Variants in EFHB observed in about 807,000 individuals in gnomAD.
EFHB encodes EF-hand domain-containing family member B.
EFHB carries 91 observed loss-of-function variants against 87.2 expected under a neutral mutation model. The observed-to-expected ratio is 1.04, with a 90% CI of 0.88 to 1.24. The LOEUF is 1.24. Ranked by LOEUF, EFHB falls within the 50% of genes most tolerant of loss-of-function variation. The probability of loss-of-function intolerance (pLI) is 0.00; values close to 1 mark genes in which losing one functional copy is unlikely to be tolerated. For synonymous variants in EFHB, 325 were observed against 333.6 expected (o/e 0.97, Z 0.28); for missense variants, 1,084 against 998.8 (o/e 1.09, Z -1.15).
chr3:19,919,608 T>C (rs1695365833), intron 3 of EFHB, among the ~76,000 whole-genome samples: 1 of 152,198 alleles, frequency 6.6e-6, no homozygotes, highest in African/African-American at 2.4e-5. Context: ...GAACAATAGA[T>C]AGTTTGTGGC....
Position 19,919,910 on chromosome 3 carries a change from C to T in EFHB, c.919G>A (p.Val307Ile). 6.2e-7 allele frequency: 1 copy of T among 1,613,750 alleles called. No homozygotes were observed. ...GGATCATTTGCTCTTCCGTAAAATA[C>T]TCTTTCTACTCCAGCAGGTGGATAT... Reference protein sequence around the residue: ...FRYPPAGVERVFYGRANDPQI... With the variant: ...FRYPPAGVERIFYGRANDPQI... The change falls in exon 3 of 13, where the codon GTA becomes ATA. Residue 307 changes from valine to isoleucine, a missense_variant. Physicochemically the swap from Val to Ile is conservative, Grantham distance 29. Coordinates refer to ENST00000295824, the MANE Select transcript of EFHB (RefSeq NM_144715.4).
At chr3:19,884,343 CA>C in intron 11 of EFHB, 59 bp downstream of exon 11, 1 of 1,486,980 alleles carries the variant, frequency 6.7e-7, no homozygotes, top group South Asian at 1.2e-5. Flanking sequence ...GGGGACAATG[CA>C]AGGACAGACA....
chr3:19,931,075 A>T (rs1695814965), intron 1 of EFHB, among the ~76,000 whole-genome samples: 1 of 152,172 alleles, frequency 6.6e-6, no homozygotes, highest in Non-Finnish European at 1.5e-5. Context: ...AGGCACAAGA[A>T]TCGCTTAAGC....
chr3:19,936,873 TAATAAATAAATAAATA>T (rs71634883), upstream of EFHB, among the ~76,000 whole-genome samples: 2,567 of 136,678 alleles, frequency 0.019, 91 homozygotes, highest in African/African-American at 0.066. Flanking sequence ...CATCTCAAAA[TAATAAATAAATAAATA>T]AATAAATAAA....
At chr3:19,936,008 CAAAAAAAA>C (rs751728589), upstream of EFHB, 4 of 544,644 alleles carry the variant, frequency 7.3e-6, no homozygotes, top group Non-Finnish European at 8.6e-6. Flanking sequence ...GACTCCATCT[CAAAAAAAA>C]AAAAAAAAAA....
At position 19,934,031 on chromosome 3, in the gene EFHB, C is replaced by T. The variant is rs753788251; in HGVS notation, c.-13G>A. The T allele has an allele frequency of 6.3e-6, 10 of 1,580,308 alleles. No individual in the cohort carries two copies. Among genetic ancestry groups the T allele is most frequent in the Non-Finnish European group, 8.6e-6 (10 of 1,162,580 alleles). ...TCTCCATGTTCATGGACGATTTCTCCCCATTCTCATTTCTCCAAGAGCGCT... is the reference window on the plus strand; with the variant it reads ...TCTCCATGTTCATGGACGATTTCTCTCCATTCTCATTTCTCCAAGAGCGCT... On this transcript the variant is annotated 5_prime_UTR_variant, in exon 1 of 13. Coordinates refer to ENST00000295824, the MANE Select transcript of EFHB (RefSeq NM_144715.4).
chr3:19,896,654 T>C (rs1356551181), intron 9 of EFHB, 33 bp downstream of exon 9: 24 of 1,613,814 alleles, frequency 1.5e-5, no homozygotes, highest in Non-Finnish European at 1.9e-5. Flanking sequence ...TGTAAGCCCA[T>C]GCATTACCAA....
At chr3:19,910,659 A>C (rs767160436) in intron 5 of EFHB, among the ~76,000 whole-genome samples, 1 of 152,192 alleles carries the variant, frequency 6.6e-6, no homozygotes, top group Non-Finnish European at 1.5e-5. Context: ...ACCAAATGCT[A>C]CACTAGCTTC....
chr3:19,934,400 T>G (rs1695956268), upstream of EFHB, among the ~76,000 whole-genome samples: 1 of 109,012 alleles, frequency 9.2e-6, no homozygotes, highest in Non-Finnish European at 1.9e-5. Flanking sequence ...TGCCCCCCCT[T>G]CTCTCTCCTC....
Position 19,934,056 on chromosome 3 carries a change from T to G in EFHB, c.-38A>C, listed in dbSNP as rs998684080. The G allele has an allele frequency of 3.9e-6, 6 of 1,548,760 alleles. No individual in the cohort carries two copies. The highest frequency in any genetic ancestry group is 5.2e-6 in the Non-Finnish European group (6 of 1,147,626). On this transcript the variant is annotated 5_prime_UTR_variant, in exon 1 of 13. Transcript: ENST00000295824. ...CCCATTCTCATTTCTCCAAGAGCGC[T>G]CATCTCTAAGGGGAAAGCTGTACCT...
At chr3:19,942,851 G>A (rs940085883) in intron 1 of EFHB, 28 of 157,336 alleles carry the variant, frequency 1.8e-4, no homozygotes, top group Non-Finnish European at 2.0e-4. Context: ...GGGAGCAGCT[G>A]TAAATACAGA....
intron 3 of EFHB, among the ~76,000 whole-genome samples, chr3:19,918,888 G>A (rs1695333168): frequency 6.6e-6 from 1 of 150,604 alleles, no homozygotes; most frequent in Admixed American, 6.6e-5. Context: ...TCTGAGGCAG[G>A]AGAATGGCTT....
intron 10 of EFHB, among the ~76,000 whole-genome samples, chr3:19,885,665 G>A (rs923934175): frequency 2.6e-5 from 4 of 152,194 alleles, no homozygotes; most frequent in Non-Finnish European, 2.9e-5. Context: ...TGACCTGCTG[G>A]TATTAGAGAA....
intron 12 of EFHB, among the ~76,000 whole-genome samples, chr3:19,880,707 A>G (rs183631023): frequency 8.5e-4 from 130 of 152,358 alleles, no homozygotes; most frequent in South Asian, 8.1e-3. Flanking sequence ...TTTGGTTACA[A>G]ATAATCTCTC....
At position 19,895,101 on chromosome 3, in the gene EFHB, T is replaced by C; in HGVS notation, c.1725+1586A>G. 2.0e-5 allele frequency: 3 copies of C among 148,558 alleles called. No homozygotes were observed. In the South Asian group the frequency reaches 6.3e-4, roughly 31 times the overall value. 9.2% of individuals were successfully genotyped at this position (148,558 alleles called of 1,614,324 possible). ...TAATTTATATTTATATATCAACATA[T>C]ATTTATATATAAGCATATATGTATA... On this transcript the variant is annotated intron_variant, in intron 9 of 12. Coordinates refer to ENST00000295824, the MANE Select transcript of EFHB (RefSeq NM_144715.4).
intron 1 of EFHB, among the ~76,000 whole-genome samples, chr3:19,929,622 T>C (rs1247227794): frequency 1.3e-5 from 2 of 149,548 alleles, no homozygotes; most frequent in East Asian, 2.0e-4. Flanking sequence ...GGCAGGAGAA[T>C]TGCTTGAACC....
At chr3:19,938,637 C>T (rs1374475161), upstream of EFHB, among the ~76,000 whole-genome samples, 1 of 152,204 alleles carries the variant, frequency 6.6e-6, no homozygotes, top group Admixed American at 6.5e-5. Flanking sequence ...TTCACAGTCA[C>T]AGACTTGATT....
At chr3:19,889,045 A>T (rs1264275462) in intron 9 of EFHB, among the ~76,000 whole-genome samples, 2 of 152,152 alleles carry the variant, frequency 1.3e-5, no homozygotes, top group Non-Finnish European at 2.9e-5. Flanking sequence ...TTTTCATAAC[A>T]CTCCTATGGG....
At chr3:19,925,680 T>C (rs572676668) in intron 1 of EFHB, among the ~76,000 whole-genome samples, 4 of 152,314 alleles carry the variant, frequency 2.6e-5, no homozygotes, top group Admixed American at 2.6e-4. Flanking sequence ...TTACAGGCTT[T>C]AATGGCCAAG....
Sources: gnomAD v4.1 joint callset for allele counts (sites outside exome capture counted in the v4.1 genomes callset) on GRCh38, gnomAD v4.1.1 for gene constraint, MANE v1.5 for transcripts, NCBI Gene and HGNC (gene_info 2026-07-23, HGNC 2026-07-21) for gene names.